The following MANBA variants were observed in gnomAD, a reference collection of about 807,000 sequenced individuals.
The protein encoded by MANBA is beta-mannosidase.
A neutral mutation model predicts 111.1 loss-of-function variants in MANBA; 83 were observed. The ratio of observed to expected loss-of-function variants is 0.75; its 90% CI spans 0.63 to 0.90. MANBA has a LOEUF of 0.90. Ranked by LOEUF, MANBA falls within the 40% of genes least tolerant of loss-of-function variation. The pLI is 0.00. For synonymous variants in MANBA, 370 were observed against 378.7 expected (o/e 0.98, Z 0.27); for missense variants, 1,036 against 1,069.0 (o/e 0.97, Z 0.43).
chr4:102,742,777 C>T (rs1723452389), intron 1 of MANBA, among the ~76,000 whole-genome samples: 1 of 152,206 alleles, frequency 6.6e-6, no homozygotes, highest in Non-Finnish European at 1.5e-5. Flanking sequence ...GTGTCCATTC[C>T]AGTGAGAACA....
chr4:102,720,447 A>C lies in MANBA; in HGVS notation c.549+2424T>G, dbSNP rs191750220. 1.0e-2 allele frequency among the ~76,000 whole-genome samples: 1,321 copies of C among 132,680 alleles called. 25 individuals are homozygous for C. The highest frequency in any genetic ancestry group is 0.036 in the African/African-American group (1,244 of 34,856). The allele number at this position is 132,680 out of a possible 152,430, so 87.0% of individuals were successfully genotyped here. A position where few individuals can be genotyped will look rare whatever the true frequency, so the allele number is the denominator to read the frequency against. ...AAGACTCAGTCTCAAAAAAAAAAAA[A>C]TACAAAAATTAGCCGGGCATGGTGG... On this transcript the variant is annotated intron_variant, in intron 4 of 16. Transcript: ENST00000647097.
chr4:102,723,094 T>C, intron 3 of MANBA, 53 bp from the exon 4 acceptor site: 3 of 1,534,790 alleles, frequency 2.0e-6, no homozygotes, highest in Middle Eastern at 1.8e-4. Flanking sequence ...TAGTCTTGTG[T>C]GTAAAATTTT....
At chr4:102,737,755 G>T (rs571196813) in intron 1 of MANBA, among the ~76,000 whole-genome samples, 222 of 152,266 alleles carry the variant, frequency 1.5e-3, no homozygotes, top group African/African-American at 5.2e-3. Context: ...CTGCTGGGAT[G>T]ACAGGCATGA....
chr4:102,713,673 G>A lies in MANBA; in HGVS notation c.673+765C>T, dbSNP rs1040576862. ...TCCCAGCACTTTGGGAGGCTGAGGC[G>A]GGCAGATCACCTGAGGTCAGGAGTT... On this transcript the variant is annotated intron_variant, in intron 5 of 16. Transcript: ENST00000647097. 9.2e-5 allele frequency among the ~76,000 whole-genome samples: 14 copies of A among 152,034 alleles called. No individual in the cohort carries two copies. The East Asian group carries it at 9.6e-4, about 10-fold the overall frequency.
chr4:102,639,996 T>A, intron 13 of MANBA, 139 bp from the exon 14 acceptor site: 2 of 855,490 alleles, frequency 2.3e-6, no homozygotes, highest in South Asian at 2.8e-5. Flanking sequence ...ATTTAATTAG[T>A]ATTAGGAATA....
Position 102,637,972 on chromosome 4 carries a change from C to A in MANBA, c.2014+1741G>T, listed in dbSNP as rs186820958. On this transcript the variant is annotated intron_variant, in intron 14 of 16. Transcript: ENST00000647097. ...AGTTCTCAACCTATGGAATCTGATG[C>A]AATCTGCAGGTAGATAGTGTCAGAC... Among the ~76,000 whole-genome samples, 16 of 152,302 alleles carry A rather than the reference C, an allele frequency of 1.1e-4. No homozygotes were observed. The East Asian group carries it at 3.1e-3, about 29-fold the overall frequency.
chr4:102,721,254 G>A (rs960042830), intron 4 of MANBA, among the ~76,000 whole-genome samples: 7 of 152,134 alleles, frequency 4.6e-5, no homozygotes, highest in Non-Finnish European at 8.8e-5. Context: ...AACACGGGAG[G>A]CGGAGGTTGC....
intron 13 of MANBA, among the ~76,000 whole-genome samples, chr4:102,644,871 A>ACT (rs1400270951): frequency 6.6e-6 from 1 of 152,036 alleles, no homozygotes; most frequent in Non-Finnish European, 1.5e-5. Context: ...GTACACCACA[A>ACT]ATATATATTT....
chr4:102,690,857 G>A, intron 5 of MANBA, 86 bp from the exon 6 acceptor site: 1 of 506,968 alleles, frequency 2.0e-6, no homozygotes, highest in Non-Finnish European at 2.9e-6. Flanking sequence ...TTCATTGAAG[G>A]TAAGACTAAA....
rs560590446 is a variant in MANBA, at chr4:102,652,839, G to A, written c.1705-2138C>T. On this transcript the variant is annotated intron_variant, in intron 12 of 16. Transcript: ENST00000647097. ...GAGCCCACGAGTTTGAGGCTGCAGT[G>A]AGTTGTGATCACGCCACTGCACTCC... 1.5e-4 allele frequency among the ~76,000 whole-genome samples: 23 copies of A among 152,296 alleles called. No homozygotes were observed. The South Asian group carries it at 4.3e-3, about 29-fold the overall frequency.
At chr4:102,699,888 G>C (rs1732933751) in intron 5 of MANBA, among the ~76,000 whole-genome samples, 1 of 150,756 alleles carries the variant, frequency 6.6e-6, no homozygotes, top group African/African-American at 2.4e-5. Flanking sequence ...GAGTTAGGGA[G>C]GATTCCCTCT....
chr4:102,676,002 T>C (rs1731709479), intron 7 of MANBA, among the ~76,000 whole-genome samples: 1 of 152,070 alleles, frequency 6.6e-6, no homozygotes, highest in Non-Finnish European at 1.5e-5. Context: ...CTTCTCAACC[T>C]ATAACTGCAC....
chr4:102,739,638 A>C (rs1192218616), intron 1 of MANBA, among the ~76,000 whole-genome samples: 1 of 151,978 alleles, frequency 6.6e-6, no homozygotes, highest in African/African-American at 2.4e-5. Flanking sequence ...ATGCAGGTAC[A>C]TATGCAAGTC....
chr4:102,701,784 C>A (rs1284327813), intron 5 of MANBA, among the ~76,000 whole-genome samples: 1 of 151,926 alleles, frequency 6.6e-6, no homozygotes, highest in Non-Finnish European at 1.5e-5. Flanking sequence ...TCTCTGGCTG[C>A]CCTTAACATT....
intron 7 of MANBA, among the ~76,000 whole-genome samples, chr4:102,675,129 C>T (rs1406306040): frequency 6.6e-6 from 1 of 152,210 alleles, no homozygotes; most frequent in East Asian, 1.9e-4. Flanking sequence ...TTTAAAACAC[C>T]ATGATGGTGG....
intron 5 of MANBA, among the ~76,000 whole-genome samples, chr4:102,693,178 T>C (rs1732560861): frequency 6.6e-6 from 1 of 152,216 alleles, no homozygotes. Context: ...TTTGAATCTA[T>C]CAGCTGGTAG....
chr4:102,639,132 T>C (rs1049970005), intron 14 of MANBA, among the ~76,000 whole-genome samples: 2 of 152,340 alleles, frequency 1.3e-5, no homozygotes, highest in South Asian at 2.1e-4. Context: ...CTGTTGCTAG[T>C]TGAACTGTTT....
chr4:102,700,099 G>A (rs1405368987), intron 5 of MANBA, among the ~76,000 whole-genome samples: 1 of 147,616 alleles, frequency 6.8e-6, no homozygotes, highest in Non-Finnish European at 1.5e-5. Flanking sequence ...GAGTGTATGT[G>A]TCGAGGAATT....
intron 7 of MANBA, among the ~76,000 whole-genome samples, chr4:102,685,196 T>C (rs1027077588): frequency 6.6e-6 from 1 of 152,316 alleles, no homozygotes; most frequent in Middle Eastern, 3.4e-3. Context: ...TAGTAATTAA[T>C]GTTCTGTTTC....
Sources: allele counts gnomAD v4.1 joint callset (sites outside exome capture counted in the v4.1 genomes callset), GRCh38; gene constraint gnomAD v4.1.1; transcripts MANE v1.5; gene names NCBI Gene and HGNC (gene_info 2026-07-23, HGNC 2026-07-21).